The following COL11A1 variants were observed in gnomAD, a reference collection of about 807,000 sequenced individuals.
COL11A1 encodes collagen alpha-1(XI) chain.
In COL11A1, 74 loss-of-function variants were observed where a neutral mutation model predicts 265.2. The observed-to-expected ratio is 0.28, with a 90% CI of 0.23 to 0.34. COL11A1 has a LOEUF of 0.34. Ranked by LOEUF, COL11A1 falls within the 10% of genes least tolerant of loss-of-function variation. The pLI is 1.00. For missense variants in COL11A1, 2,165 were observed against 2,263.6 expected (o/e 0.96, Z 0.88); for synonymous variants, 816 against 727.6 (o/e 1.12, Z -1.96).
intron 54 of COL11A1, among the ~76,000 whole-genome samples, chr1:102,904,642 C>T (rs1653681778): frequency 6.6e-6 from 1 of 151,880 alleles, no homozygotes; most frequent in South Asian, 2.1e-4. Context: ...CATCACTGGC[C>T]ATCAGAGAAA....
At chr1:103,006,230 C>A (rs374613629) in intron 16 of COL11A1, 32 bp downstream of exon 16, 7 of 1,481,750 alleles carry the variant, frequency 4.7e-6, no homozygotes, top group East Asian at 2.4e-5. Flanking sequence ...ATGGCAGATG[C>A]CTTCAAAATG....
At chr1:103,001,544 C>T (rs953551701) in intron 24 of COL11A1, 4 of 456,266 alleles carry the variant, frequency 8.8e-6, no homozygotes, top group African/African-American at 8.0e-5. Flanking sequence ...AACTTCACAA[C>T]TTTCCTTTCA....
At chr1:102,908,707 TC>T (rs1171716677) in intron 54 of COL11A1, among the ~76,000 whole-genome samples, 2 of 152,152 alleles carry the variant, frequency 1.3e-5, no homozygotes, top group African/African-American at 4.8e-5. Context: ...CTGGTCTTTT[TC>T]TTCAATGAGA....
At chr1:102,894,272 G>A (rs995895839) in intron 57 of COL11A1, among the ~76,000 whole-genome samples, 3 of 152,024 alleles carry the variant, frequency 2.0e-5, no homozygotes, top group South Asian at 2.1e-4. Flanking sequence ...GGTGGCTCAC[G>A]CCTGTAATCC....
intron 24 of COL11A1, among the ~76,000 whole-genome samples, chr1:103,000,103 AC>A (rs1484450224): frequency 6.6e-6 from 1 of 151,836 alleles, no homozygotes; most frequent in Non-Finnish European, 1.5e-5. Context: ...AGATATAACA[AC>A]TTTTCCTAAG....
intron 7 of COL11A1, among the ~76,000 whole-genome samples, chr1:103,024,616 TG>T (rs1234865136): frequency 6.7e-6 from 1 of 150,296 alleles, no homozygotes; most frequent in Non-Finnish European, 1.5e-5. Context: ...ACTAAAATGC[TG>T]GATGAATTTG....
At chr1:103,098,738 G>A (rs1305317991) in intron 1 of COL11A1, among the ~76,000 whole-genome samples, 1 of 151,804 alleles carries the variant, frequency 6.6e-6, no homozygotes, top group African/African-American at 2.4e-5. Context: ...GCTTTATAAT[G>A]TTATGCCAGG....
intron 46 of COL11A1, among the ~76,000 whole-genome samples, chr1:102,932,731 A>G (rs575665471): frequency 6.6e-6 from 1 of 151,224 alleles, no homozygotes; most frequent in East Asian, 2.0e-4. Flanking sequence ...AGGTACACCA[A>G]TCAGACGTAG....
chr1:102,917,701 T>A (rs1187155035), intron 49 of COL11A1, among the ~76,000 whole-genome samples: 2 of 151,858 alleles, frequency 1.3e-5, no homozygotes, highest in African/African-American at 2.4e-5. Flanking sequence ...GTGAAAAGAT[T>A]ATTTTCTTTT....
intron 4 of COL11A1, among the ~76,000 whole-genome samples, chr1:103,041,015 A>T (rs1668770841): frequency 6.6e-6 from 1 of 151,682 alleles, no homozygotes; most frequent in Admixed American, 6.6e-5. Flanking sequence ...TTATATTTTT[A>T]TTTTGAATTG....
chr1:102,903,454 T>C (rs1202613163), intron 54 of COL11A1, among the ~76,000 whole-genome samples: 2 of 152,146 alleles, frequency 1.3e-5, no homozygotes, highest in Non-Finnish European at 2.9e-5. Flanking sequence ...ATAAAAAAAA[T>C]TGTGGCTTTT....
At chr1:102,967,224 A>ATTTTTTTT (rs1557882148) in intron 37 of COL11A1, among the ~76,000 whole-genome samples, 18 of 41,270 alleles carry the variant, frequency 4.4e-4, no homozygotes, top group Non-Finnish European at 8.2e-4. Flanking sequence ...AACATAATAA[A>ATTTTTTTT]TTCTTTTTTT....
rs546555674 is a variant in COL11A1, at chr1:102,962,172, A to T, written c.3114+4T>A. ...TGCTTTATCTATATAGATATTGATTATACCTGAGCTCCAGGAAGACCTCTT... is the reference window on the plus strand; with the variant it reads ...TGCTTTATCTATATAGATATTGATTTTACCTGAGCTCCAGGAAGACCTCTT... On this transcript the variant is annotated splice_donor_region_variant and intron_variant, in intron 40 of 66. Transcript: ENST00000370096. 4 of 1,606,284 alleles carry T rather than the reference A, an allele frequency of 2.5e-6. No individual in the cohort carries two copies. The highest frequency in any genetic ancestry group is 3.4e-6 in the Non-Finnish European group (4 of 1,172,948).
At chr1:102,918,707 T>G (rs1184817289) in intron 49 of COL11A1, among the ~76,000 whole-genome samples, 1 of 152,062 alleles carries the variant, frequency 6.6e-6, no homozygotes, top group East Asian at 1.9e-4. Flanking sequence ...GTAACTCATT[T>G]TGACTGGGAT....
chr1:102,897,417 C>A (rs930863943), intron 57 of COL11A1, among the ~76,000 whole-genome samples: 1 of 150,560 alleles, frequency 6.6e-6, no homozygotes, highest in Non-Finnish European at 1.5e-5. Flanking sequence ...TAATGACACT[C>A]AAAAATCTCT....
At chr1:102,895,157 T>C (rs1033286012) in intron 57 of COL11A1, among the ~76,000 whole-genome samples, 1 of 152,170 alleles carries the variant, frequency 6.6e-6, no homozygotes, top group South Asian at 2.1e-4. Flanking sequence ...GCTGATAACA[T>C]AGTGTGGGCA....
At position 103,074,784 on chromosome 1, in the gene COL11A1, A is replaced by T. The variant is rs371357098; in HGVS notation, c.489-4T>A. 4.4e-5 allele frequency: 71 copies of T among 1,613,050 alleles called. No homozygotes were observed. The African/African-American group carries it at 8.9e-4, about 20-fold the overall frequency. On this transcript the variant is annotated splice_polypyrimidine_tract_variant and splice_region_variant and intron_variant, in intron 3 of 66. Transcript: ENST00000370096. ...GCTGATTGCTACCCGATGCCACCTA[A>T]AAAAGACAAGTAATTCTTTTGTAAG...
intron 1 of COL11A1, among the ~76,000 whole-genome samples, chr1:103,094,729 A>C (rs1673605395): frequency 6.6e-6 from 1 of 152,106 alleles, no homozygotes; most frequent in African/African-American, 2.4e-5. Context: ...CTCTATTGTA[A>C]GAATACAGCA....
At chr1:102,915,815 T>G (rs904750993) in intron 49 of COL11A1, 131 bp from the exon 50 acceptor site, 1 of 732,408 alleles carries the variant, frequency 1.4e-6, no homozygotes, top group African/African-American at 1.8e-5. Flanking sequence ...TTGAAAAACT[T>G]TAATAACAAA....
Sources: allele counts gnomAD v4.1 joint callset (sites outside exome capture counted in the v4.1 genomes callset), GRCh38; gene constraint gnomAD v4.1.1; transcripts MANE v1.5; gene names NCBI Gene and HGNC (gene_info 2026-07-23, HGNC 2026-07-21).